PLAT: variants seen among roughly 807,000 people sequenced by gnomAD.
The protein encoded by PLAT is tissue-type plasminogen activator.
In PLAT, 48 loss-of-function variants were observed where a neutral mutation model predicts 74.9. The observed-to-expected ratio is 0.64, with a 90% CI of 0.51 to 0.82. PLAT has a LOEUF of 0.82. Among genes scored for constraint, PLAT ranks in the 40% least tolerant of loss-of-function variants. The pLI, the probability that PLAT is intolerant of heterozygous loss-of-function variation, is 0.00. For missense variants in PLAT, 673 were observed against 736.2 expected (o/e 0.91, Z 0.99); for synonymous variants, 307 against 294.4 (o/e 1.04, Z -0.44).
At chr8:42,196,711 G>C (rs1186525359) in intron 1 of PLAT, among the ~76,000 whole-genome samples, 1 of 152,098 alleles carries the variant, frequency 6.6e-6, no homozygotes, top group South Asian at 2.1e-4. Flanking sequence ...GGCGAGACCC[G>C]GGTGAGAGAT....
chr8:42,182,358 C>T (rs1203923729), intron 8 of PLAT: 3 of 315,418 alleles, frequency 9.5e-6, no homozygotes, highest in Non-Finnish European at 1.8e-5. Flanking sequence ...TTCTCTTTAA[C>T]TTTGTTACCC....
chr8:42,186,822 A>G (rs917727727), intron 6 of PLAT: 1 of 149,158 alleles, frequency 6.7e-6, no homozygotes, highest in Non-Finnish European at 1.5e-5. Context: ...TCTATCATCT[A>G]TCAATCTTCT....
In PLAT at chr8:42,187,453, T is replaced by C. The variant is rs745812850; in HGVS notation, c.484A>G (p.Ser162Gly). ...CTGATGGCGTCTGGCCTCCGCCCGC[T>C]GTAGGGCTTCTGGGCCAACGCGCTG... The part of the protein sequence containing the change: ...NSSALAQKPY[S>G]GRRPDAIRLG... The change falls in exon 6 of 14, where the codon AGC (serine) becomes GGC (glycine). Residue 162 changes from serine to glycine, a missense_variant. Transcript: ENST00000220809. 1 of 1,606,008 alleles carries C rather than the reference T, an allele frequency of 6.2e-7. No individual in the cohort carries two copies. The highest frequency in any genetic ancestry group is 1.1e-5 in the South Asian group (1 of 91,028).
chr8:42,206,582 C>G (rs564607021), intron 1 of PLAT: 5 of 152,310 alleles, frequency 3.3e-5, no homozygotes, highest in African/African-American at 1.2e-4. Context: ...CCATATTATT[C>G]CCAATTGGCC....
rs764639352 is a variant in PLAT at position 42,193,105 on chromosome 8, C to CA, written c.72+8dup. 8.7e-6 allele frequency: 14 copies of CA among 1,604,946 alleles called. 1 individual carries two copies. In the South Asian group the frequency reaches 1.3e-4, roughly 15 times the overall value. ...TGAGGGGCGGGACACAGGGATCCTG[C>CA]ACACCAACCTGGCTGGGCGAAACGA... On this transcript the variant is annotated intron_variant, in intron 2 of 13. Transcript: ENST00000220809.
intron 3 of PLAT, among the ~76,000 whole-genome samples, chr8:42,191,168 C>T (rs1805668980): frequency 6.6e-6 from 1 of 152,210 alleles, no homozygotes; most frequent in South Asian, 2.1e-4. Context: ...CTGCTCCCCT[C>T]AGAATCAGAA....
At chr8:42,206,182 A>G (rs894786316) in intron 1 of PLAT, among the ~76,000 whole-genome samples, 2 of 152,212 alleles carry the variant, frequency 1.3e-5, no homozygotes, top group Non-Finnish European at 2.9e-5. Flanking sequence ...AGACAAGGGC[A>G]GCTTTCATTT....
intron 12 of PLAT, among the ~76,000 whole-genome samples, chr8:42,179,331 C>T (rs1805116071): frequency 6.6e-6 from 1 of 152,146 alleles, no homozygotes; most frequent in South Asian, 2.1e-4. Context: ...AGTCCCGAGC[C>T]CTGCAGTGTG....
At chr8:42,201,487 C>T (rs1806128927) in intron 1 of PLAT, among the ~76,000 whole-genome samples, 1 of 152,144 alleles carries the variant, frequency 6.6e-6, no homozygotes, top group Non-Finnish European at 1.5e-5. Context: ...TGCCACGCTT[C>T]ATGGGGTCCT....
Position 42,180,085 on chromosome 8 carries a change from G to A in PLAT, c.1223-19C>T. ...AGCAGCGCTGGGAGGGAGAAAGGAG[G>A]AGTGAGCTGGCGTGAGGGCCGCGTC... On this transcript the variant is annotated intron_variant, in intron 11 of 13. Coordinates refer to ENST00000220809, the MANE Select transcript of PLAT (RefSeq NM_000930.5). 1 of 1,599,744 alleles carries A rather than the reference G, an allele frequency of 6.3e-7. No homozygotes were observed.
intron 6 of PLAT, chr8:42,187,130 C>G (rs749134222): frequency 3.0e-5 from 11 of 364,584 alleles, no homozygotes; most frequent in Non-Finnish European, 4.5e-5. Context: ...TATCACCTAT[C>G]ATCTGTCTAT....
chr8:42,194,112 G>T (rs1292408885), intron 1 of PLAT, among the ~76,000 whole-genome samples: 2 of 135,712 alleles, frequency 1.5e-5, no homozygotes, highest in African/African-American at 5.8e-5. Context: ...GAGTGCAGTG[G>T]CATGAACATG....
At chr8:42,180,426 C>T (rs749787941) in intron 10 of PLAT, 48 bp from the exon 11 acceptor site, 13 of 1,613,760 alleles carry the variant, frequency 8.1e-6, no homozygotes, top group African/African-American at 1.3e-5. Context: ...TGGGATTTCC[C>T]CTAAAGGGCT....
intron 1 of PLAT, chr8:42,206,701 G>C (rs1341874394): frequency 2.0e-5 from 3 of 152,158 alleles, no homozygotes; most frequent in African/African-American, 7.2e-5. Context: ...CTCCCTCCCT[G>C]TGAGGTTAAG....
chr8:42,180,096 C>CGTGA, intron 11 of PLAT, 30 bp from the exon 12 acceptor site: 1 of 1,594,018 alleles, frequency 6.3e-7, no homozygotes, highest in African/African-American at 1.3e-5. Flanking sequence ...AGTGAGCTGG[C>CGTGA]GTGAGGGCCG....
At position 42,185,389 on chromosome 8, in the gene PLAT, G is replaced by A. The variant is rs1805414850; in HGVS notation, c.540-217C>T. The A allele has an allele frequency of 1.1e-5, 4 of 375,254 alleles. No homozygotes were observed. The East Asian group carries it at 1.3e-4, about 12-fold the overall frequency. 23.2% of individuals were successfully genotyped at this position (375,254 alleles called of 1,614,324 possible). ...GGCAATTCTTCAGCCTCAGCTTCCC[G>A]AGTAGCTGGGATTACAGGTGCCTGC... On this transcript the variant is annotated intron_variant, in intron 6 of 13. Coordinates refer to ENST00000220809, the MANE Select transcript of PLAT (RefSeq NM_000930.5).
At chr8:42,188,209 G>C (rs1331553167) in intron 4 of PLAT, 193 bp from the exon 5 acceptor site, 2 of 518,380 alleles carry the variant, frequency 3.9e-6, no homozygotes, top group Non-Finnish European at 6.8e-6. Context: ...ATACATAAGT[G>C]GACCCTGCAG....
chr8:42,180,420 A>ATT, intron 10 of PLAT, 42 bp from the exon 11 acceptor site: 1 of 1,613,880 alleles, frequency 6.2e-7, no homozygotes, highest in Non-Finnish European at 8.5e-7. Flanking sequence ...TTGCTGTGGG[A>ATT]TTTCCCCTAA....
chr8:42,186,181 C>A (rs1045294555), intron 6 of PLAT: 9 of 147,278 alleles, frequency 6.1e-5, no homozygotes, highest in Non-Finnish European at 1.3e-4. Flanking sequence ...TAATTCTCTA[C>A]AAGGACATTC....
Sources: allele counts gnomAD v4.1 joint callset (sites outside exome capture counted in the v4.1 genomes callset), GRCh38; gene constraint gnomAD v4.1.1; transcripts MANE v1.5; gene names NCBI Gene and HGNC (gene_info 2026-07-23, HGNC 2026-07-21).